Variants in RFC3 observed in about 807,000 individuals in gnomAD.
RFC3 encodes the protein A1 38 kDa subunit.
RFC3 carries 41 observed loss-of-function variants against 45.1 expected under a neutral mutation model. The observed-to-expected ratio is 0.91, with a 90% CI of 0.71 to 1.18. The LOEUF is 1.18. RFC3 is among the 50% of genes most tolerant of loss of function. The pLI, the probability that RFC3 is intolerant of heterozygous loss-of-function variation, is 0.00. For missense variants in RFC3, 423 were observed against 428.1 expected (o/e 0.99, Z 0.10); for synonymous variants, 149 against 144.0 (o/e 1.03, Z -0.25).
chr13:33,829,112 A>G (rs1473875252), intron 4 of RFC3, among the ~76,000 whole-genome samples: 2 of 152,224 alleles, frequency 1.3e-5, no homozygotes, highest in Non-Finnish European at 2.9e-5. Flanking sequence ...TAAATGCTAC[A>G]TGCTGCCAGT....
intron 8 of RFC3, among the ~76,000 whole-genome samples, chr13:33,964,774 CTGAA>C (rs2137875605): frequency 6.6e-6 from 1 of 152,274 alleles, no homozygotes; most frequent in East Asian, 1.9e-4. Flanking sequence ...TCTAGAAACT[CTGAA>C]TGTCACTTCA....
chr13:33,866,892 A>T (rs2082377080), intron 8 of RFC3, among the ~76,000 whole-genome samples: 1 of 152,192 alleles, frequency 6.6e-6, no homozygotes, highest in South Asian at 2.1e-4. Flanking sequence ...GTAAATAATC[A>T]TGTTTTTGAA....
intron 8 of RFC3, among the ~76,000 whole-genome samples, chr13:33,906,430 A>G (rs1177432617): frequency 1.3e-5 from 2 of 152,002 alleles, no homozygotes; most frequent in African/African-American, 4.8e-5. Flanking sequence ...GAATCTCCAT[A>G]TGACTAAATA....
chr13:33,948,004 G>A (rs1057245950), intron 8 of RFC3, among the ~76,000 whole-genome samples: 1 of 152,220 alleles, frequency 6.6e-6, no homozygotes, highest in African/African-American at 2.4e-5. Context: ...ATTCAAGTTT[G>A]CTGCAGAAAT....
intron 8 of RFC3, among the ~76,000 whole-genome samples, chr13:33,864,191 A>G (rs1011954844): frequency 1.3e-5 from 2 of 152,082 alleles, no homozygotes; most frequent in Non-Finnish European, 2.9e-5. Context: ...AGAATGATAA[A>G]TCATTCATTA....
chr13:33,964,296 T>C (rs953162), intron 8 of RFC3, among the ~76,000 whole-genome samples: 142,741 of 152,268 alleles, frequency 0.94, 67,563 homozygotes, highest in East Asian at 1. Context: ...AAGCCTAGAC[T>C]TTTTAAAAGC....
intron 2 of RFC3, among the ~76,000 whole-genome samples, chr13:33,822,863 GA>G (rs1261880777): frequency 2.0e-5 from 3 of 152,080 alleles, no homozygotes; most frequent in South Asian, 4.1e-4. Context: ...ATATGAATTT[GA>G]AAAATTGCTA....
intron 8 of RFC3, among the ~76,000 whole-genome samples, chr13:33,922,747 G>A (rs2082777495): frequency 6.6e-6 from 1 of 152,114 alleles, no homozygotes; most frequent in East Asian, 1.9e-4. Flanking sequence ...GAGGCCATGG[G>A]ATTAGGCACG....
At chr13:33,930,534 G>T (rs908050179) in intron 8 of RFC3, among the ~76,000 whole-genome samples, 2 of 152,114 alleles carry the variant, frequency 1.3e-5, no homozygotes, top group African/African-American at 4.8e-5. Context: ...TGCCCACCCA[G>T]ATTGAGGATG....
rs139639279 is a variant in RFC3 at position 33,941,528 on chromosome 13, A to G, written c.880-24559A>G. Reference sequence around the variant, plus strand: ...TCTGAAGGTTATTTTCAATTGCTATATTATTCTAGTTTGGCACTTTGTTTT... The same window carrying G: ...TCTGAAGGTTATTTTCAATTGCTATGTTATTCTAGTTTGGCACTTTGTTTT... On this transcript the variant is annotated intron_variant, in intron 8 of 8. Coordinates refer to the RFC3 transcript ENST00000434425. Among the ~76,000 whole-genome samples, 379 of 152,188 alleles carry G rather than the reference A, an allele frequency of 2.5e-3. 2 individuals are homozygous for G. Among genetic ancestry groups the G allele is most frequent in the Non-Finnish European group, 4.4e-3 (299 of 68,006 alleles).
At chr13:33,920,902 G>A (rs2082764725) in intron 8 of RFC3, among the ~76,000 whole-genome samples, 2 of 152,094 alleles carry the variant, frequency 1.3e-5, no homozygotes, top group African/African-American at 2.4e-5. Context: ...CATATTATGA[G>A]TCTTATTTAT....
intron 8 of RFC3, among the ~76,000 whole-genome samples, chr13:33,907,006 T>A (rs9570569): frequency 0.15 from 23,247 of 151,950 alleles, 3,571 homozygotes; most frequent in African/African-American, 0.4. Context: ...TTTTTAAAAA[T>A]TTTTTTATAG....
chr13:33,944,519 G>A (rs951754209), intron 8 of RFC3, among the ~76,000 whole-genome samples: 4 of 152,108 alleles, frequency 2.6e-5, no homozygotes, highest in Non-Finnish European at 5.9e-5. Context: ...CCTAGAAACT[G>A]TTGGTTATGT....
intron 8 of RFC3, among the ~76,000 whole-genome samples, chr13:33,883,311 A>G (rs1019662476): frequency 6.6e-6 from 1 of 152,210 alleles, no homozygotes; most frequent in Non-Finnish European, 1.5e-5. Context: ...CTTGAAAATG[A>G]GTGTTTAAAA....
chr13:33,973,161 T>C, the RFC3 span, among the ~76,000 whole-genome samples: 1 of 149,468 alleles, frequency 6.7e-6, no homozygotes, highest in African/African-American at 2.4e-5. Context: ...TGTGTATATA[T>C]ATATATACAT....
chr13:33,928,998 C>T (rs1281557597), intron 8 of RFC3, among the ~76,000 whole-genome samples: 1 of 152,030 alleles, frequency 6.6e-6, no homozygotes, highest in African/African-American at 2.4e-5. Flanking sequence ...TCTATTTGGC[C>T]TTTGCCCATT....
At chr13:33,896,897 C>T (rs1033647423) in intron 8 of RFC3, among the ~76,000 whole-genome samples, 4 of 151,776 alleles carry the variant, frequency 2.6e-5, no homozygotes, top group Non-Finnish European at 5.9e-5. Flanking sequence ...GCAAAGCTAT[C>T]CTTCAAATAT....
At chr13:33,960,514 C>T (rs4943169) in intron 8 of RFC3, among the ~76,000 whole-genome samples, 142,799 of 152,314 alleles carry the variant, frequency 0.94, 67,596 homozygotes, top group East Asian at 1. Flanking sequence ...GTTAACCTAC[C>T]TTCCTTCTAC....
At chr13:33,841,425 T>G (rs1045643613), downstream of RFC3, among the ~76,000 whole-genome samples, 3 of 152,232 alleles carry the variant, frequency 2.0e-5, no homozygotes, top group Non-Finnish European at 2.9e-5. Flanking sequence ...CTTTACAGAT[T>G]GAGGTCTAAA....
Sources: allele counts gnomAD v4.1 joint callset (sites outside exome capture counted in the v4.1 genomes callset), GRCh38; gene constraint gnomAD v4.1.1; transcripts MANE v1.5; gene names NCBI Gene and HGNC (gene_info 2026-07-23, HGNC 2026-07-21).